Variants in GALNT17 observed in about 807,000 individuals in gnomAD.
The protein encoded by GALNT17 is UDP-GalNAc:polypeptide N-acetylgalactosaminyltransferase-like 3.
GALNT17 carries 29 observed loss-of-function variants against 63.7 expected under a neutral mutation model. The observed-to-expected ratio is 0.46, with a 90% CI of 0.34 to 0.62. The LOEUF (loss-of-function observed/expected upper bound fraction) is 0.62, where lower values mean the gene tolerates loss of function less well. Ranked by LOEUF, GALNT17 falls within the 20% of genes least tolerant of loss-of-function variation. The pLI is 0.01. For synonymous variants in GALNT17, 305 were observed against 318.3 expected (o/e 0.96, Z 0.45); for missense variants, 603 against 799.6 (o/e 0.75, Z 2.97).
intron 5 of GALNT17, among the ~76,000 whole-genome samples, chr7:71,481,762 G>C (rs73367503): frequency 0.05 from 7,650 of 152,062 alleles, 670 homozygotes; most frequent in African/African-American, 0.18. Flanking sequence ...AAGGGCCCTG[G>C]CTTCTGCCTG....
chr7:71,712,316 C>A lies in GALNT17; in HGVS notation c.*170C>A. ...GACCCCGGATGAAGACTCTGTCCCC[C>A]CTCAGGCATTCAGCTGCCCACAAGT... On this transcript the variant is annotated 3_prime_UTR_variant, in exon 11 of 11. Transcript: ENST00000333538. 1 of 749,298 alleles carries A rather than the reference C, an allele frequency of 1.3e-6. No individual in the cohort carries two copies. 46.4% of individuals were successfully genotyped at this position (749,298 alleles called of 1,614,324 possible).
chr7:71,639,863 C>T (rs1790579525), intron 6 of GALNT17, among the ~76,000 whole-genome samples: 1 of 152,112 alleles, frequency 6.6e-6, no homozygotes, highest in South Asian at 2.1e-4. Flanking sequence ...TGAGCTCTGA[C>T]AAGGCAAAGG....
At chr7:71,623,217 A>G (rs184420086) in intron 6 of GALNT17, among the ~76,000 whole-genome samples, 1 of 152,270 alleles carries the variant, frequency 6.6e-6, no homozygotes, top group African/African-American at 2.4e-5. Context: ...GCATTAGGCA[A>G]GTTACTTAAT....
chr7:71,223,166 C>T (rs559365283), intron 1 of GALNT17, among the ~76,000 whole-genome samples: 39 of 152,252 alleles, frequency 2.6e-4, no homozygotes, highest in African/African-American at 8.2e-4. Context: ...AATATATACT[C>T]GGAGGCTATG....
chr7:71,511,573 A>C (rs1019248280), intron 5 of GALNT17, among the ~76,000 whole-genome samples: 1 of 152,200 alleles, frequency 6.6e-6, no homozygotes, highest in Non-Finnish European at 1.5e-5. Context: ...TCCAGCCATT[A>C]AACTCCAGTC....
At chr7:71,662,141 C>G (rs1045191935) in intron 6 of GALNT17, among the ~76,000 whole-genome samples, 3 of 152,082 alleles carry the variant, frequency 2.0e-5, no homozygotes, top group Non-Finnish European at 4.4e-5. Flanking sequence ...GGGTTCTGTT[C>G]CCACTTGGCA....
chr7:71,163,746 AT>A (rs1788388458), intron 1 of GALNT17, among the ~76,000 whole-genome samples: 7 of 152,220 alleles, frequency 4.6e-5, no homozygotes, highest in Non-Finnish European at 8.8e-5. Context: ...GGCCTCTTAG[AT>A]AGAGGCCAGA....
chr7:71,327,540 A>G (rs193164584), intron 1 of GALNT17, among the ~76,000 whole-genome samples: 4 of 152,322 alleles, frequency 2.6e-5, no homozygotes, highest in Non-Finnish European at 5.9e-5. Context: ...GGGTGAGGAC[A>G]TAGCCAAACC....
chr7:71,296,575 C>A (rs10231965), intron 1 of GALNT17, among the ~76,000 whole-genome samples: 1 of 151,274 alleles, frequency 6.6e-6, no homozygotes, highest in African/African-American at 2.4e-5. Context: ...GAGATCATTC[C>A]GCTGCACTCC....
At chr7:71,366,239 ATTG>A (rs1396552770) in intron 2 of GALNT17, among the ~76,000 whole-genome samples, 1 of 151,984 alleles carries the variant, frequency 6.6e-6, no homozygotes, top group Non-Finnish European at 1.5e-5. Flanking sequence ...ACAGACTGGT[ATTG>A]TTCCGAGGCC....
At chr7:71,642,049 G>C (rs1340029993) in intron 6 of GALNT17, among the ~76,000 whole-genome samples, 1 of 152,160 alleles carries the variant, frequency 6.6e-6, no homozygotes, top group Non-Finnish European at 1.5e-5. Context: ...AGCATCAGCT[G>C]TCCCCCCACT....
chr7:71,236,100 G>A (rs2116456380), intron 1 of GALNT17, among the ~76,000 whole-genome samples: 1 of 152,124 alleles, frequency 6.6e-6, no homozygotes, highest in African/African-American at 2.4e-5. Context: ...AGAATTGCTT[G>A]AACCCAGGAG....
chr7:71,637,761 T>G (rs1306947751), intron 6 of GALNT17, among the ~76,000 whole-genome samples: 2 of 152,168 alleles, frequency 1.3e-5, no homozygotes, highest in African/African-American at 2.4e-5. Flanking sequence ...TCAGCCAGCA[T>G]GTCAGACCAT....
intron 6 of GALNT17, among the ~76,000 whole-genome samples, chr7:71,613,464 GC>G (rs1217085533): frequency 6.6e-6 from 1 of 152,172 alleles, no homozygotes; most frequent in African/African-American, 2.4e-5. Context: ...GCATTAAGCA[GC>G]CCTGGGAAGC....
At chr7:71,484,863 A>G (rs909764543) in intron 5 of GALNT17, among the ~76,000 whole-genome samples, 20 of 136,236 alleles carry the variant, frequency 1.5e-4, no homozygotes, top group African/African-American at 5.3e-4. Context: ...CAATGGTGCA[A>G]TCTCGGCTCA....
intron 5 of GALNT17, among the ~76,000 whole-genome samples, chr7:71,540,608 G>A (rs1182409691): frequency 1.3e-5 from 2 of 151,740 alleles, no homozygotes; most frequent in Non-Finnish European, 2.9e-5. Context: ...AGGGTTTTGT[G>A]TTGTTTTTTT....
intron 1 of GALNT17, among the ~76,000 whole-genome samples, chr7:71,256,750 T>G (rs1790296937): frequency 6.6e-6 from 1 of 152,188 alleles, no homozygotes; most frequent in Admixed American, 6.5e-5. Context: ...TCAATGACAA[T>G]AATTTGGCAC....
intron 2 of GALNT17, 98 bp downstream of exon 2, chr7:71,335,831 TGGG>T (rs1181124056): frequency 1.8e-6 from 2 of 1,106,350 alleles, no homozygotes; most frequent in Non-Finnish European, 2.4e-6. Flanking sequence ...TTGTAACTCT[TGGG>T]GGAGTTTTTA....
chr7:71,677,600 C>T (rs1006359755), intron 9 of GALNT17, among the ~76,000 whole-genome samples: 2 of 151,516 alleles, frequency 1.3e-5, no homozygotes, highest in Non-Finnish European at 2.9e-5. Context: ...CTGCAACCTC[C>T]GCCTCCCAGG....
Sources: gnomAD v4.1 joint callset for allele counts (sites outside exome capture counted in the v4.1 genomes callset) on GRCh38, gnomAD v4.1.1 for gene constraint, MANE v1.5 for transcripts, NCBI Gene and HGNC (gene_info 2026-07-23, HGNC 2026-07-21) for gene names.